The following ACVR1 variants were observed in gnomAD, a reference collection of about 807,000 sequenced individuals.
ACVR1 encodes activin A receptor type 1.
A neutral mutation model predicts 57.1 loss-of-function variants in ACVR1; 38 were observed. The observed-to-expected ratio is 0.67, with a 90% CI of 0.51 to 0.87. The LOEUF is 0.87. ACVR1 is among the 40% of genes least tolerant of loss of function. The pLI is 0.00. For missense variants in ACVR1, 463 were observed against 638.2 expected (o/e 0.73, Z 2.96); for synonymous variants, 212 against 228.1 (o/e 0.93, Z 0.63).
chr2:157,810,085 T>A (rs992452631), intron 2 of ACVR1, among the ~76,000 whole-genome samples: 6 of 152,090 alleles, frequency 3.9e-5, no homozygotes, highest in Non-Finnish European at 8.8e-5. Flanking sequence ...CTAAAAAATA[T>A]GTAAAATTAA....
At chr2:157,768,456 C>T (rs1685956069) in intron 7 of ACVR1, among the ~76,000 whole-genome samples, 1 of 152,036 alleles carries the variant, frequency 6.6e-6, no homozygotes, top group African/African-American at 2.4e-5. Flanking sequence ...TACTGATTTC[C>T]TCTCCCAAGA....
In ACVR1 at chr2:157,736,820, T is replaced by C. The variant is rs550878134; in HGVS notation, c.*711A>G. 4 of 343,482 alleles carry C rather than the reference T, an allele frequency of 1.2e-5. No individual in the cohort carries two copies. Among genetic ancestry groups the C allele is most frequent in the East Asian group, 1.2e-4 (3 of 26,018 alleles). 21.3% of individuals were successfully genotyped at this position (343,482 alleles called of 1,614,324 possible). On this transcript the variant is annotated 3_prime_UTR_variant, in exon 11 of 11. Coordinates refer to ENST00000434821, the MANE Select transcript of ACVR1 (RefSeq NM_001111067.4). ...TCTGTAATAAAATCATAAGACCACATAAAAATAAGCTTTAACATATGCACA... is the reference window on the plus strand; with the variant it reads ...TCTGTAATAAAATCATAAGACCACACAAAAATAAGCTTTAACATATGCACA...
intron 1 of ACVR1, among the ~76,000 whole-genome samples, chr2:157,841,821 A>T (rs188805391): frequency 5.3e-5 from 8 of 152,240 alleles, no homozygotes; most frequent in African/African-American, 1.7e-4. Context: ...CAGGAGATCG[A>T]GATCATCCTG....
At chr2:157,864,469 C>T (rs1689844694) in intron 1 of ACVR1, among the ~76,000 whole-genome samples, 1 of 152,154 alleles carries the variant, frequency 6.6e-6, no homozygotes, top group Non-Finnish European at 1.5e-5. Context: ...TTGCCTTGGC[C>T]TCCCAAAGTG....
intron 1 of ACVR1, among the ~76,000 whole-genome samples, chr2:157,870,726 A>G (rs1690091105): frequency 6.6e-6 from 1 of 152,248 alleles, no homozygotes; most frequent in South Asian, 2.1e-4. Flanking sequence ...TGGAAGCATC[A>G]CTCTTAAATA....
At chr2:157,801,099 G>C (rs1397024414) in intron 2 of ACVR1, among the ~76,000 whole-genome samples, 1 of 152,164 alleles carries the variant, frequency 6.6e-6, no homozygotes, top group Non-Finnish European at 1.5e-5. Flanking sequence ...GTCATTCATT[G>C]AGCTATGGAA....
intron 1 of ACVR1, among the ~76,000 whole-genome samples, chr2:157,871,221 A>G (rs1251592597): frequency 6.6e-6 from 1 of 152,220 alleles, no homozygotes; most frequent in Non-Finnish European, 1.5e-5. Context: ...ACATCCCAGA[A>G]TAAGAAATGG....
chr2:157,749,455 A>T (rs570219855), intron 9 of ACVR1, among the ~76,000 whole-genome samples: 11 of 152,336 alleles, frequency 7.2e-5, no homozygotes, highest in Admixed American at 4.6e-4. Context: ...TGCTCATTAT[A>T]AATAAGTGAC....
At chr2:157,796,874 G>A (rs1331646842) in intron 3 of ACVR1, among the ~76,000 whole-genome samples, 2 of 152,076 alleles carry the variant, frequency 1.3e-5, no homozygotes, top group Non-Finnish European at 2.9e-5. Context: ...TTGCCACTCA[G>A]GATCCCTTCC....
intron 2 of ACVR1, chr2:157,806,882 G>A (rs776970951): frequency 1.3e-5 from 2 of 152,172 alleles, no homozygotes; most frequent in East Asian, 1.9e-4. Flanking sequence ...GGTTTCTGGC[G>A]GGGTGTTACT....
At chr2:157,739,857 AT>A (rs1312694348) in intron 9 of ACVR1, among the ~76,000 whole-genome samples, 1 of 152,206 alleles carries the variant, frequency 6.6e-6, no homozygotes, top group Non-Finnish European at 1.5e-5. Context: ...ATAAAGGTTT[AT>A]ATTTGAGATG....
intron 5 of ACVR1, among the ~76,000 whole-genome samples, chr2:157,776,191 T>C (rs1686280847): frequency 6.6e-6 from 1 of 152,244 alleles, no homozygotes. Flanking sequence ...TCACATGACA[T>C]GGTTGAGTTT....
chr2:157,746,459 C>T (rs1684968990), intron 9 of ACVR1, among the ~76,000 whole-genome samples: 1 of 152,260 alleles, frequency 6.6e-6, no homozygotes, highest in Non-Finnish European at 1.5e-5. Context: ...CCGGAGTGCA[C>T]TCTTCACACA....
chr2:157,812,667 G>T (rs374364718), intron 2 of ACVR1, among the ~76,000 whole-genome samples: 1 of 152,046 alleles, frequency 6.6e-6, no homozygotes, highest in Non-Finnish European at 1.5e-5. Flanking sequence ...TCATATATAC[G>T]CAAACAATTA....
At chr2:157,805,946 C>T (rs1251624877) in intron 2 of ACVR1, among the ~76,000 whole-genome samples, 1 of 151,386 alleles carries the variant, frequency 6.6e-6, no homozygotes, top group Non-Finnish European at 1.5e-5. Context: ...GCCTCAGCCC[C>T]TCAAGTAGTG....
chr2:157,854,808 G>C (rs1445177287), intron 1 of ACVR1, among the ~76,000 whole-genome samples: 2 of 151,972 alleles, frequency 1.3e-5, no homozygotes, highest in African/African-American at 4.8e-5. Flanking sequence ...GGGAGGCTGA[G>C]GTGTGTGGAT....
chr2:157,869,737 T>C (rs976542739), intron 1 of ACVR1, among the ~76,000 whole-genome samples: 52 of 152,348 alleles, frequency 3.4e-4, no homozygotes, highest in Admixed American at 2.5e-3. Context: ...AATATATTTG[T>C]TCTTGCCACC....
intron 1 of ACVR1, among the ~76,000 whole-genome samples, chr2:157,863,198 T>C (rs1689785966): frequency 1.3e-5 from 2 of 150,438 alleles, no homozygotes; most frequent in Non-Finnish European, 3.0e-5. Context: ...TTTTTAGTAG[T>C]GATGAGGTTT....
chr2:157,740,461 T>G (rs1041442056), intron 9 of ACVR1, among the ~76,000 whole-genome samples: 2 of 152,110 alleles, frequency 1.3e-5, no homozygotes, highest in African/African-American at 4.8e-5. Context: ...CCTAGAGAGA[T>G]ATTTTATGCG....
Sources: gnomAD v4.1 joint callset for allele counts (sites outside exome capture counted in the v4.1 genomes callset) on GRCh38, gnomAD v4.1.1 for gene constraint, MANE v1.5 for transcripts, NCBI Gene and HGNC (gene_info 2026-07-23, HGNC 2026-07-21) for gene names.